ITPKB: variants seen among roughly 807,000 people sequenced by gnomAD.
ITPKB encodes the protein IP3 3-kinase B.
ITPKB carries 13 observed loss-of-function variants against 69.4 expected under a neutral mutation model. The ratio of observed to expected loss-of-function variants is 0.19; its 90% CI spans 0.12 to 0.30. The LOEUF (loss-of-function observed/expected upper bound fraction) is 0.30. Among genes scored for constraint, ITPKB ranks in the 10% least tolerant of loss-of-function variants. ITPKB has a pLI of 1.00. For synonymous variants in ITPKB, 584 were observed against 513.7 expected (o/e 1.14, Z -1.85); for missense variants, 1,240 against 1,250.5 (o/e 0.99, Z 0.13).
intron 2 of ITPKB, among the ~76,000 whole-genome samples, chr1:226,731,280 C>T (rs935182103): frequency 7.9e-5 from 12 of 152,174 alleles, no homozygotes; most frequent in Non-Finnish European, 1.8e-4. Flanking sequence ...GCTGTCTCTA[C>T]CACCAGACTA....
chr1:226,641,867 C>A lies in ITPKB; in HGVS notation c.2451+54G>T. 2.0e-6 allele frequency: 3 copies of A among 1,520,674 alleles called. No individual in the cohort carries two copies. Among genetic ancestry groups the A allele is most frequent in the Non-Finnish European group, 2.7e-6 (3 of 1,106,922 alleles). The allele number at this position is 1,520,674 out of a possible 1,614,324, so 94.2% of individuals were successfully genotyped here. A position where few individuals can be genotyped will look rare whatever the true frequency, so the allele number is the denominator to read the frequency against. ...CAAAGGGCGCTGAGAGAAGCCAAGC[C>A]CCCTGAGGTGGGCACGGGTGGGGCC... On this transcript the variant is annotated intron_variant, in intron 5 of 7. Coordinates refer to ENST00000429204, the MANE Select transcript of ITPKB (RefSeq NM_002221.4). This position sits in a 1 kb window ranked among gnomAD's most constrained non-coding sequence, Gnocchi z 4.6.
At chr1:226,639,289 C>T (rs909616710) in intron 6 of ITPKB, among the ~76,000 whole-genome samples, 7 of 152,194 alleles carry the variant, frequency 4.6e-5, no homozygotes, top group African/African-American at 1.7e-4. Flanking sequence ...AACTTCTGAC[C>T]TCAGGTGATC....
rs1657838599 is a variant in ITPKB at position 226,737,605 on chromosome 1, G to A, written c.-147C>T. 1 of 1,158,252 alleles carries A rather than the reference G, an allele frequency of 8.6e-7. No individual in the cohort carries two copies. The highest frequency in any genetic ancestry group is 1.1e-6 in the Non-Finnish European group (1 of 942,596). The allele number at this position is 1,158,252 out of a possible 1,614,324, so 71.7% of individuals were successfully genotyped here. On this transcript the variant is annotated 5_prime_UTR_variant, in exon 2 of 8. Coordinates refer to ENST00000429204, the MANE Select transcript of ITPKB (RefSeq NM_002221.4). ...ATGGGGCGGCATGGCCTGGGCAGCG[G>A]GCTGGGGGCACGACCGCGGGCTCAG...
intron 2 of ITPKB, among the ~76,000 whole-genome samples, chr1:226,722,567 A>G (rs564004243): frequency 6.6e-6 from 1 of 152,234 alleles, no homozygotes; most frequent in East Asian, 1.9e-4. Flanking sequence ...GAAACTAATT[A>G]CCATTCTGTG....
intron 2 of ITPKB, among the ~76,000 whole-genome samples, chr1:226,718,327 T>C (rs1298328529): frequency 6.9e-6 from 1 of 144,710 alleles, no homozygotes; most frequent in Non-Finnish European, 1.5e-5. Flanking sequence ...AAGTTAAAAC[T>C]GCAATGAAGG....
intron 2 of ITPKB, among the ~76,000 whole-genome samples, chr1:226,661,675 A>C (rs940270338): frequency 6.6e-6 from 1 of 152,222 alleles, no homozygotes; most frequent in African/African-American, 2.4e-5. Flanking sequence ...TTTCAGGGTT[A>C]AATTAAATTC....
At chr1:226,674,331 T>C (rs1669682525) in intron 2 of ITPKB, among the ~76,000 whole-genome samples, 1 of 152,106 alleles carries the variant, frequency 6.6e-6, no homozygotes, top group Admixed American at 6.5e-5. Flanking sequence ...TCCGAGTAGC[T>C]GGGATTACAG....
intron 2 of ITPKB, among the ~76,000 whole-genome samples, chr1:226,733,736 A>G (rs1657663068): frequency 6.6e-6 from 1 of 152,182 alleles, no homozygotes; most frequent in Non-Finnish European, 1.5e-5. Flanking sequence ...CTACCTCTGG[A>G]TATGTTCACT....
At chr1:226,700,811 A>G (rs1326260508) in intron 2 of ITPKB, among the ~76,000 whole-genome samples, 2 of 152,162 alleles carry the variant, frequency 1.3e-5, no homozygotes, top group Non-Finnish European at 2.9e-5. Context: ...GGGGGCCCAA[A>G]CAAAATTCAA....
intron 2 of ITPKB, among the ~76,000 whole-genome samples, chr1:226,674,154 T>C (rs751881740): frequency 4.6e-5 from 7 of 152,182 alleles, no homozygotes; most frequent in Non-Finnish European, 1.0e-4. Flanking sequence ...TCAGAAGAGA[T>C]TCTAGTAACC....
intron 2 of ITPKB, among the ~76,000 whole-genome samples, chr1:226,729,309 C>T (rs953081863): frequency 6.6e-6 from 1 of 151,704 alleles, no homozygotes; most frequent in African/African-American, 2.4e-5. Context: ...TGGTGAAAAC[C>T]CATTTCTACT....
rs561843075 is a variant in ITPKB at position 226,710,085 on chromosome 1, TG to T, written c.1932+25441del. Among the ~76,000 whole-genome samples, 9 of 152,246 alleles carry T rather than the reference TG, an allele frequency of 5.9e-5. No homozygotes were observed. In the South Asian group the frequency reaches 1.9e-3, roughly 32 times the overall value. On this transcript the variant is annotated intron_variant, in intron 2 of 7. Transcript: ENST00000429204. ...CAGATAAATCTGTCTTCCCTGCCCC[TG>T]TCTCCTCTCCCCTGACTCACGGCCT... is the stretch of plus-strand genomic sequence containing the variant.
chr1:226,715,955 T>TACTCA (rs1187135374), intron 2 of ITPKB, among the ~76,000 whole-genome samples: 1 of 152,180 alleles, frequency 6.6e-6, no homozygotes, highest in Non-Finnish European at 1.5e-5. Flanking sequence ...GGACTACAGG[T>TACTCA]GCCCGTCATA....
Position 226,639,612 on chromosome 1 carries a change from C to T in ITPKB, c.2498G>A (p.Arg833Lys), listed in dbSNP as rs750886696. The stretch of plus-strand genomic sequence containing the variant: ...TCTGAAGGCCTCGGTGACCTGCTCC[C>T]TCGTTTTGGTCTTCTTGAAGTCCCG... ...VNRDFKKTKTREQVTEAFREF... is the reference protein window; with the variant it reads ...VNRDFKKTKTKEQVTEAFREF... The change falls in exon 6 of 8, where the codon AGG becomes AAG. Residue 833 changes from arginine to lysine, a missense_variant. Arg to Lys is a conservative substitution (Grantham distance 26). This residue lies in a region of ITPKB where 248 missense variants were observed against 396.7 expected (regional missense o/e 0.63). Coordinates refer to ENST00000429204, the MANE Select transcript of ITPKB (RefSeq NM_002221.4). The T allele has an allele frequency of 1.9e-6, 3 of 1,614,088 alleles. No individual in the cohort carries two copies. Among genetic ancestry groups the T allele is most frequent in the African/African-American group, 1.3e-5 (1 of 75,044 alleles).
intron 3 of ITPKB, 140 bp downstream of exon 3, chr1:226,648,532 G>GC (rs1319928312): frequency 1.5e-6 from 1 of 675,842 alleles, no homozygotes; most frequent in African/African-American, 1.8e-5. Context: ...GCCGCAGCCT[G>GC]CAAGTGTGGC....
chr1:226,641,958 G>T lies in ITPKB; in HGVS notation c.2414C>A (p.Ser805Tyr). The T allele has an allele frequency of 1.2e-6, 2 of 1,614,090 alleles. No individual in the cohort carries two copies. The highest frequency in any genetic ancestry group is 1.7e-6 in the Non-Finnish European group (2 of 1,179,988). Residue 805 changes from serine (S) to tyrosine (Y), a missense_variant, in exon 5 of 8, where the codon TCC becomes TAC. Transcript: ENST00000429204. This position sits in a 1 kb window ranked among gnomAD's most constrained non-coding sequence, Gnocchi z 4.6. ...GATCCTGAACCCCAGGGTGGCCGTG[G>T]AGCTGATGGTCTCCCGCCACTGCAT... ...RYMQWRETIS[S>Y]TATLGFRIEG...
chr1:226,673,269 G>A (rs1206520246), intron 2 of ITPKB, among the ~76,000 whole-genome samples: 4 of 152,230 alleles, frequency 2.6e-5, no homozygotes, highest in Admixed American at 6.5e-5. Flanking sequence ...AGCTACTCGG[G>A]AGGCTGAGGC....
chr1:226,720,713 A>C (rs1052284911), intron 2 of ITPKB, among the ~76,000 whole-genome samples: 1 of 152,234 alleles, frequency 6.6e-6, no homozygotes, highest in African/African-American at 2.4e-5. Flanking sequence ...ATTCATATTG[A>C]ACTGGTAGTA....
chr1:226,653,674 A>G (rs541829456), intron 2 of ITPKB, among the ~76,000 whole-genome samples: 1 of 152,370 alleles, frequency 6.6e-6, no homozygotes, highest in East Asian at 1.9e-4. Flanking sequence ...GGAAAGCACC[A>G]CAACGCAGGG....
Sources: gnomAD v4.1 joint callset for allele counts (sites outside exome capture counted in the v4.1 genomes callset) on GRCh38, gnomAD v4.1.1 for gene constraint, gnomAD v4.1.1 regional missense constraint, Gnocchi (gnomAD v3.1) non-coding constraint, MANE v1.5 for transcripts, NCBI Gene and HGNC (gene_info 2026-07-23, HGNC 2026-07-21) for gene names.